The following MSLN variants were observed in gnomAD, a reference collection of about 807,000 sequenced individuals.
MSLN encodes CAK1 antigen.
Under a neutral mutation model 72.6 loss-of-function variants are expected in MSLN, and 82 were observed. The observed-to-expected ratio is 1.13, with a 90% CI of 0.94 to 1.36. The LOEUF is 1.36. Ranked by LOEUF, MSLN falls within the 40% of genes most tolerant of loss-of-function variation. The probability of loss-of-function intolerance (pLI) is 0.00; values close to 1 mark genes in which losing one functional copy is unlikely to be tolerated. For missense variants in MSLN, 1,005 were observed against 847.9 expected (o/e 1.19, Z -2.30); for synonymous variants, 456 against 387.3 (o/e 1.18, Z -2.08).
At position 762,540 on chromosome 16, in the gene MSLN, G is replaced by A. The variant is rs543638183; in HGVS notation, c.-9-132G>A. ...TGGCTGGAGGGCAGGGCCAGGGTGC[G>A]GACACAAGCTGCAGGTACCACAGAA... On this transcript the variant is annotated intron_variant, in intron 2 of 17. Transcript: ENST00000545450. 1.0e-4 allele frequency: 70 copies of A among 702,006 alleles called. 1 individual carries two copies. Among genetic ancestry groups the A allele is most frequent in the South Asian group, 8.4e-4 (51 of 60,638 alleles). 43.5% of individuals were successfully genotyped at this position (702,006 alleles called of 1,614,324 possible). A position where few individuals can be genotyped will look rare whatever the true frequency, so the allele number is the denominator to read the frequency against.
intron 11 of MSLN, 21 bp downstream of exon 11, chr16:765,811 A>T (rs771679715): frequency 6.3e-7 from 1 of 1,590,856 alleles, no homozygotes; most frequent in East Asian, 2.3e-5. Flanking sequence ...TGCCCTGCGC[A>T]GTCTGGCACC....
chr16:766,060 G>A lies in MSLN; in HGVS notation c.897G>A (p.Lys299=), dbSNP rs768873903. Residue 299 remains lysine, a splice_region_variant and synonymous_variant, in exon 12 of 18, where the codon AAG becomes AAA. Coordinates refer to ENST00000545450, the MANE Select transcript of MSLN (RefSeq NM_005823.6). ...ACCCCTGACCCCTGTGCCCTGCAGAGACAGCCTGTCCTTCAGGCAAGAAGG... is the reference window on the plus strand; with the variant it reads ...ACCCCTGACCCCTGTGCCCTGCAGAAACAGCCTGTCCTTCAGGCAAGAAGG... ...LRPRFRREVE[K]TACPSGKKAR... is the part of the protein sequence containing the mutation. 2 of 1,608,124 alleles carry A rather than the reference G, an allele frequency of 1.2e-6. No individual in the cohort carries two copies. The highest frequency in any genetic ancestry group is 1.7e-5 in the Admixed American group (1 of 59,648).
In MSLN at chr16:765,562, C is replaced by A; in HGVS notation, c.740C>A (p.Ala247Asp). The change falls in exon 10 of 18, where the codon GCT becomes GAT. Residue 247 changes from alanine to aspartate, a missense_variant. Coordinates refer to ENST00000545450, the MANE Select transcript of MSLN (RefSeq NM_005823.6). The part of the protein sequence containing the change: ...PSTWSVSTMD[A>D]LRGLLPVLGQ... ...ACATGGTCTGTCTCCACGATGGACG[C>A]TCTGCGGGGCCTGCTGCCCGTGCTG... 3 of 1,606,876 alleles carry A rather than the reference C, an allele frequency of 1.9e-6. No homozygotes were observed. Among genetic ancestry groups the A allele is most frequent in the South Asian group, 1.1e-5 (1 of 91,014 alleles).
rs1197764135 is a variant in MSLN, at chr16:764,786, C to A, written c.380+60C>A. Reference sequence around the variant, plus strand: ...TTTGCCGCCAGCCCTCAGCCCCCAACCCCCTGCCCCTTGCCTCGGATCCCA... The same window carrying A: ...TTTGCCGCCAGCCCTCAGCCCCCAAACCCCTGCCCCTTGCCTCGGATCCCA... On this transcript the variant is annotated intron_variant, in intron 7 of 17. Coordinates refer to ENST00000545450, the MANE Select transcript of MSLN (RefSeq NM_005823.6). 12 of 1,551,020 alleles carry A rather than the reference C, an allele frequency of 7.7e-6. No individual in the cohort carries two copies. In the Admixed American group the frequency reaches 1.4e-4, roughly 18 times the overall value.
rs559684897 is a variant in MSLN, at chr16:764,122, T to C, written c.279T>C (p.Asn93=). The C allele has an allele frequency of 1.9e-6, 3 of 1,605,492 alleles. No homozygotes were observed. The highest frequency in any genetic ancestry group is 2.7e-5 in the African/African-American group (2 of 75,038). The change falls in exon 6 of 18, where the codon AAT becomes AAC. Residue 93 remains asparagine (N), a synonymous_variant. Transcript: ENST00000545450. ...RELAVALAQK[N]VKLSTEQLRC... Reference sequence around the variant, plus strand: ...TGGCTGTGGCCTTGGCACAGAAGAATGTCAAGCTCTCAACAGAGCAGGTCA... The same window carrying C: ...TGGCTGTGGCCTTGGCACAGAAGAACGTCAAGCTCTCAACAGAGCAGGTCA...
rs769413051 is a variant in MSLN at position 765,276 on chromosome 16, C to G, written c.677C>G (p.Ala226Gly). The G allele has an allele frequency of 4.4e-6, 7 of 1,582,520 alleles. No individual in the cohort carries two copies. Among genetic ancestry groups the G allele is most frequent in the Non-Finnish European group, 6.0e-6 (7 of 1,171,028 alleles). Residue 226 changes from alanine to glycine, a missense_variant, in exon 9 of 18, where the codon GCT becomes GGT. By Grantham distance (60) the Ala-to-Gly change is moderately conservative (BLOSUM62 0). Coordinates refer to ENST00000545450, the MANE Select transcript of MSLN (RefSeq NM_005823.6). The part of the protein sequence containing the change: ...DQDQQEAARA[A>G]LQGGGPPYGP... ...GACCAGCAGGAGGCAGCCAGGGCGG[C>G]TCTGCAGGGCGGGGGACCCCCCTAC...
intron 16 of MSLN, among the ~76,000 whole-genome samples, chr16:768,155 G>A (rs2041664708): frequency 6.6e-6 from 1 of 150,792 alleles, no homozygotes; most frequent in Admixed American, 6.6e-5. Flanking sequence ...AGGCGGGTCT[G>A]CAGTGGGGCG....
intron 6 of MSLN, 54 bp from the exon 7 acceptor site, chr16:764,593 C>A (rs1596691200): frequency 6.8e-7 from 1 of 1,476,166 alleles, no homozygotes; most frequent in Non-Finnish European, 9.5e-7. Context: ...GACCCTGGCC[C>A]ACCATGTGAG....
chr16:765,914 G>C, intron 11 of MSLN, 124 bp downstream of exon 11: 1 of 1,321,032 alleles, frequency 7.6e-7, no homozygotes, highest in South Asian at 1.4e-5. Context: ...ATCACAGAGA[G>C]TGGACAGAAT....
chr16:767,269 AG>A, intron 15 of MSLN, 106 bp from the exon 16 acceptor site: 1 of 1,189,566 alleles, frequency 8.4e-7, no homozygotes, highest in Non-Finnish European at 1.2e-6. Flanking sequence ...GGAATCCCTA[AG>A]GAAAAAGGGA....
rs199597311 is a variant in MSLN, at chr16:766,975, C to G, written c.1464C>G (p.Asn488Lys). ...PKARLAFQNM[N>K]GSEYFVKIQS... is the part of the protein sequence containing the mutation. ...CCCGCCTTGCTTTCCAGAACATGAACGGGTCCGAATACTTCGTGAAGATCC... is the reference window on the plus strand; with the variant it reads ...CCCGCCTTGCTTTCCAGAACATGAAGGGGTCCGAATACTTCGTGAAGATCC... Residue 488 changes from asparagine to lysine, a missense_variant, in exon 15 of 18, where the codon AAC (asparagine) becomes AAG (lysine). By Grantham distance (94) the Asn-to-Lys change is moderately conservative (BLOSUM62 0). Transcript: ENST00000545450. 1.2e-6 allele frequency: 2 copies of G among 1,612,664 alleles called. No individual in the cohort carries two copies. Among genetic ancestry groups the G allele is most frequent in the Non-Finnish European group, 8.5e-7 (1 of 1,179,880 alleles).
rs1596692154 is a variant in MSLN, at chr16:765,132, G to A, written c.533G>A (p.Ser178Asn). The A allele has an allele frequency of 6.2e-7, 1 of 1,604,274 alleles. No individual in the cohort carries two copies. Among genetic ancestry groups the A allele is most frequent in the South Asian group, 1.1e-5 (1 of 90,780 alleles). ...CAGGGTGTGCGGGGGTCTCTGCTGA[G>A]CGAGGCTGATGTGCGGGCTCTGGGA... ...ACWGVRGSLL[S>N]EADVRALGGL... Residue 178 changes from serine (S) to asparagine (N), a missense_variant, in exon 9 of 18, where the codon AGC becomes AAC. Transcript: ENST00000545450.
At chr16:763,522 A>C in intron 4 of MSLN, 120 bp from the exon 5 acceptor site, 1 of 1,060,406 alleles carries the variant, frequency 9.4e-7, no homozygotes, top group Non-Finnish European at 1.4e-6. Flanking sequence ...GGTCTGAGAC[A>C]CAGCCAGGCC....
intron 16 of MSLN, 136 bp from the exon 17 acceptor site, chr16:768,243 G>T: frequency 2.4e-6 from 2 of 844,064 alleles, no homozygotes; most frequent in Non-Finnish European, 3.5e-6. Flanking sequence ...TCAGCTGGCC[G>T]GAGACCTCCG....
At position 766,969 on chromosome 16, in the gene MSLN, C is replaced by G. The variant is rs539813186; in HGVS notation, c.1458C>G (p.Asn486Lys). The change falls in exon 15 of 18, where the codon AAC (asparagine) becomes AAG (lysine). Residue 486 changes from asparagine (N) to lysine (K), a missense_variant. Asn to Lys is a moderately conservative substitution (Grantham distance 94). Coordinates refer to ENST00000545450, the MANE Select transcript of MSLN (RefSeq NM_005823.6). Reference sequence around the variant, plus strand: ...CCAAGGCCCGCCTTGCTTTCCAGAACATGAACGGGTCCGAATACTTCGTGA... The same window carrying G: ...CCAAGGCCCGCCTTGCTTTCCAGAAGATGAACGGGTCCGAATACTTCGTGA... ...LYPKARLAFQ[N>K]MNGSEYFVKI... 1 of 1,612,698 alleles carries G rather than the reference C, an allele frequency of 6.2e-7. No homozygotes were observed. Among genetic ancestry groups the G allele is most frequent in the African/African-American group, 1.3e-5 (1 of 75,062 alleles).
At position 767,490 on chromosome 16, in the gene MSLN, G is replaced by C; in HGVS notation, c.1596+20G>C. ...GTGCTGGTATGGCGAGCGGGAGGAG[G>C]GGCGTGTGGAGGAGGGGCCCGTGGA... is the stretch of plus-strand genomic sequence containing the variant. On this transcript the variant is annotated intron_variant, in intron 16 of 17. Transcript: ENST00000545450. 6.4e-7 allele frequency: 1 copy of C among 1,570,982 alleles called. No homozygotes were observed. Among genetic ancestry groups the C allele is most frequent in the Non-Finnish European group, 8.6e-7 (1 of 1,164,120 alleles).
At chr16:768,290 G>A in intron 16 of MSLN, 89 bp from the exon 17 acceptor site, 3 of 1,353,712 alleles carry the variant, frequency 2.2e-6, no homozygotes, top group Non-Finnish European at 2.9e-6. Context: ...CTGTGGGTGG[G>A]GCAGTTTGGA....
Position 765,673 on chromosome 16 carries a change from G to T in MSLN, c.796-18G>T. The T allele has an allele frequency of 6.2e-7, 1 of 1,600,170 alleles. No homozygotes were observed. ...GCCCGGCCACCCGAGGCTCAGCCCAGGTCCTGCTCGTCCTCAGGGCATCGT... is the reference window on the plus strand; with the variant it reads ...GCCCGGCCACCCGAGGCTCAGCCCATGTCCTGCTCGTCCTCAGGGCATCGT... On this transcript the variant is annotated intron_variant, in intron 10 of 17. Coordinates refer to ENST00000545450, the MANE Select transcript of MSLN (RefSeq NM_005823.6).
intron 16 of MSLN, among the ~76,000 whole-genome samples, chr16:768,012 G>A (rs1267767647): frequency 1.0e-4 from 5 of 49,088 alleles, no homozygotes; most frequent in African/African-American, 1.8e-4. Context: ...GAGGAGGGGC[G>A]CATGGGGGGG....
Sources: allele counts gnomAD v4.1 joint callset (sites outside exome capture counted in the v4.1 genomes callset), GRCh38; gene constraint gnomAD v4.1.1; transcripts MANE v1.5; gene names NCBI Gene and HGNC (gene_info 2026-07-23, HGNC 2026-07-21).